Variants in EPS15L1 observed in about 807,000 individuals in gnomAD.
The protein encoded by EPS15L1 is epidermal growth factor receptor substrate 15-like 1.
A neutral mutation model predicts 117.1 loss-of-function variants in EPS15L1; 43 were observed. That is an observed-to-expected ratio of 0.37 (90% CI 0.29 to 0.47). The LOEUF (loss-of-function observed/expected upper bound fraction) is 0.47. Among genes scored for constraint, EPS15L1 ranks in the 20% least tolerant of loss-of-function variants. The pLI is 0.99. For missense variants in EPS15L1, 981 were observed against 1,164.0 expected, an observed-to-expected ratio of 0.84 and a Z score of 2.29; for synonymous variants, 459 against 470.5, an observed-to-expected ratio of 0.98 and a Z score of 0.32.
At position 16,371,630 on chromosome 19, in the gene EPS15L1, C is replaced by T. The variant is rs909692122; in HGVS notation, c.2380+5492G>A. ...AACTGCGCTGGCTGGTGTCACCGGG[C>T]GCTGCAGGCAGGAACCGCAACGCAG... On this transcript the variant is annotated intron_variant, in intron 22 of 23. Coordinates refer to ENST00000455140, the MANE Select transcript of EPS15L1 (RefSeq NM_001258374.3). This position sits in a 1 kb window ranked among gnomAD's most constrained non-coding sequence, Gnocchi z 4.7. Among the ~76,000 whole-genome samples the T allele has an allele frequency of 6.6e-6, 1 of 152,240 alleles. No individual in the cohort carries two copies. Among genetic ancestry groups the T allele is most frequent in the Non-Finnish European group, 1.5e-5 (1 of 68,014 alleles).
chr19:16,400,194 G>A (rs1486718179), intron 16 of EPS15L1, among the ~76,000 whole-genome samples: 2 of 151,940 alleles, frequency 1.3e-5, no homozygotes, highest in Non-Finnish European at 2.9e-5. Context: ...AAAATTAGCT[G>A]GGCATGGTGG....
chr19:16,446,762 C>T (rs568491033), intron 1 of EPS15L1, among the ~76,000 whole-genome samples: 12 of 152,168 alleles, frequency 7.9e-5, no homozygotes, highest in African/African-American at 2.9e-4. Flanking sequence ...AATGCACGTC[C>T]GTGATGACGT....
intron 13 of EPS15L1, chr19:16,413,402 C>T (rs2092726359): frequency 3.8e-5 from 27 of 713,860 alleles, no homozygotes; most frequent in South Asian, 2.5e-4. Context: ...TGGGCAACTT[C>T]GACAAGGCCA....
intron 13 of EPS15L1, among the ~76,000 whole-genome samples, chr19:16,406,004 G>A (rs1411272488): frequency 6.6e-6 from 1 of 152,190 alleles, no homozygotes; most frequent in African/African-American, 2.4e-5. Context: ...GGCAGCAGCA[G>A]CTGGGGCCTG....
intron 3 of EPS15L1, chr19:16,441,132 G>A (rs115558616): frequency 2.2e-5 from 13 of 582,720 alleles, no homozygotes; most frequent in African/African-American, 1.9e-4. Flanking sequence ...GGTGCACTCA[G>A]CTCCCAAGCC....
intron 1 of EPS15L1, among the ~76,000 whole-genome samples, chr19:16,465,000 A>G (rs1247418857): frequency 6.6e-6 from 1 of 151,460 alleles, no homozygotes; most frequent in Non-Finnish European, 1.5e-5. Flanking sequence ...AATGGCATGA[A>G]CCCAGGAGGC....
At chr19:16,379,929 C>A (rs892495060) in intron 21 of EPS15L1, among the ~76,000 whole-genome samples, 1 of 152,162 alleles carries the variant, frequency 6.6e-6, no homozygotes, top group Admixed American at 6.5e-5. Context: ...ACAGACACGG[C>A]CATCTAAGAC....
At chr19:16,412,169 G>C (rs1175799660) in intron 13 of EPS15L1, among the ~76,000 whole-genome samples, 1 of 151,922 alleles carries the variant, frequency 6.6e-6, no homozygotes, top group Non-Finnish European at 1.5e-5. Context: ...TGGATACAGA[G>C]GGCCAACTTG....
intron 20 of EPS15L1, among the ~76,000 whole-genome samples, chr19:16,385,791 G>A (rs1253484433): frequency 6.6e-6 from 1 of 152,218 alleles, no homozygotes; most frequent in Non-Finnish European, 1.5e-5. Context: ...TGTGAGATGA[G>A]GTTCCTTCAA....
rs570678995 is a variant in EPS15L1, at chr19:16,435,072, CT to C, written c.373-583del. 1.0e-3 allele frequency: 157 copies of C among 152,244 alleles called. 2 individuals are homozygous for C. Among genetic ancestry groups the C allele is most frequent in the South Asian group, 7.5e-3 (36 of 4,826 alleles). 9.4% of individuals were successfully genotyped at this position (152,244 alleles called of 1,614,324 possible). On this transcript the variant is annotated intron_variant, in intron 6 of 23. Coordinates refer to ENST00000455140, the MANE Select transcript of EPS15L1 (RefSeq NM_001258374.3). ...AATTCTCGTGCCTCAGCACTCGTAC[CT>C]CCCGAGTAGCTGGGATCACAGGCAT...
chr19:16,374,735 G>A (rs1416733072), intron 22 of EPS15L1, among the ~76,000 whole-genome samples: 1 of 152,192 alleles, frequency 6.6e-6, no homozygotes, highest in East Asian at 1.9e-4. Context: ...TCCTCCTCAG[G>A]GCCCAGCAAA....
chr19:16,444,505 A>G (rs1050031575), intron 1 of EPS15L1, among the ~76,000 whole-genome samples: 1 of 152,048 alleles, frequency 6.6e-6, no homozygotes, highest in African/African-American at 2.4e-5. Context: ...GCTTATTTCC[A>G]AAATATGTCT....
At chr19:16,363,994 G>A (rs935859849) in intron 22 of EPS15L1, among the ~76,000 whole-genome samples, 3 of 152,306 alleles carry the variant, frequency 2.0e-5, no homozygotes, top group East Asian at 3.9e-4. Flanking sequence ...GGGTTCCACC[G>A]GGGTCGCCGT....
chr19:16,465,263 T>C (rs908014334), intron 1 of EPS15L1, among the ~76,000 whole-genome samples: 2 of 152,136 alleles, frequency 1.3e-5, no homozygotes, highest in Non-Finnish European at 2.9e-5. Context: ...AAGCCAGTCA[T>C]CTGCCCCTCC....
chr19:16,393,841 T>TTACA (rs2092510486), intron 18 of EPS15L1, 110 bp downstream of exon 18: 1 of 1,121,526 alleles, frequency 8.9e-7, no homozygotes, highest in Admixed American at 1.7e-5. Flanking sequence ...TCCTTCCCAG[T>TTACA]TACATGGCTG....
intron 1 of EPS15L1, among the ~76,000 whole-genome samples, chr19:16,452,521 A>T (rs2093155778): frequency 6.6e-6 from 1 of 151,594 alleles, no homozygotes; most frequent in Admixed American, 6.6e-5. Flanking sequence ...TCGAGAAGCT[A>T]AGGCAGGAGG....
intron 22 of EPS15L1, among the ~76,000 whole-genome samples, chr19:16,363,671 A>C (rs2092092181): frequency 6.6e-6 from 1 of 152,114 alleles, no homozygotes; most frequent in Non-Finnish European, 1.5e-5. Context: ...AATGAGAAGG[A>C]GGGCGCCAAA....
chr19:16,432,911 T>A (rs549821521), intron 7 of EPS15L1, among the ~76,000 whole-genome samples: 1 of 151,864 alleles, frequency 6.6e-6, no homozygotes, highest in East Asian at 1.9e-4. Context: ...CAGGTGTGAT[T>A]CTCCCACCTC....
At chr19:16,428,668 C>A in intron 8 of EPS15L1, 34 bp downstream of exon 8, 1 of 1,591,586 alleles carries the variant, frequency 6.3e-7, no homozygotes, top group Non-Finnish European at 8.6e-7. Context: ...CATTTCCTTC[C>A]TGGGCTGGGT....
Sources: allele counts gnomAD v4.1 joint callset (sites outside exome capture counted in the v4.1 genomes callset), GRCh38; gene constraint gnomAD v4.1.1; non-coding constraint Gnocchi (gnomAD v3.1); transcripts MANE v1.5; gene names NCBI Gene and HGNC (gene_info 2026-07-23, HGNC 2026-07-21).